Variants in MIA2 observed in about 807,000 individuals in gnomAD.
The protein encoded by MIA2 is MIA SH3 domain ER export factor 2, also known as melanoma inhibitory activity protein 2.
In MIA2, 127 loss-of-function variants were observed where a neutral mutation model predicts 167.8. The observed-to-expected ratio is 0.76, with a 90% CI of 0.66 to 0.88. The LOEUF is 0.88. MIA2 is among the 40% of genes least tolerant of loss of function. MIA2 has a pLI of 0.00. For synonymous variants in MIA2, 552 were observed against 541.9 expected (o/e 1.02, Z -0.26); for missense variants, 1,690 against 1,624.7 (o/e 1.04, Z -0.69).
chr14:39,297,829 C>CTAGT (rs1346224026), intron 13 of MIA2, among the ~76,000 whole-genome samples: 1 of 151,984 alleles, frequency 6.6e-6, no homozygotes, highest in African/African-American at 2.4e-5. Context: ...CTCCTTTTTT[C>CTAGT]CAGTCCTGCT....
chr14:39,304,786 C>T (rs918660291), intron 17 of MIA2, among the ~76,000 whole-genome samples: 13 of 152,042 alleles, frequency 8.6e-5, no homozygotes, highest in South Asian at 2.1e-4. Flanking sequence ...AATGTACATA[C>T]GTAGTATATT....
chr14:39,292,646 C>A, intron 10 of MIA2: 1 of 297,770 alleles, frequency 3.4e-6, no homozygotes, highest in South Asian at 2.8e-5. Context: ...GCATTAAAAT[C>A]TTTGAATCTT....
chr14:39,260,158 A>T (rs2055025182), intron 6 of MIA2, among the ~76,000 whole-genome samples: 1 of 152,216 alleles, frequency 6.6e-6, no homozygotes, highest in Admixed American at 6.5e-5. Flanking sequence ...ATAGTGCCGC[A>T]GTAAACATAC....
chr14:39,292,566 G>T, intron 10 of MIA2: 1 of 164,830 alleles, frequency 6.1e-6, no homozygotes, highest in South Asian at 1.4e-4. Context: ...CAAATTTGGG[G>T]TAATATGTAT....
intron 9 of MIA2, among the ~76,000 whole-genome samples, chr14:39,285,204 C>T (rs982487849): frequency 5.3e-5 from 8 of 152,156 alleles, no homozygotes; most frequent in Non-Finnish European, 1.0e-4. Context: ...CCCACCTTTC[C>T]CCCTTTTCTA....
rs3065036 is a variant in MIA2 at position 39,269,074 on chromosome 14, G to GTTTTTTTTTTTTTT, written c.1888-7848_1888-7835dup. The GTTTTTTTTTTTTTT allele has an allele frequency of 7.8e-4, 452 of 583,152 alleles. 41 individuals are homozygous for GTTTTTTTTTTTTTT. The highest frequency in any genetic ancestry group is 7.8e-4 in the Non-Finnish European group (386 of 497,110). The allele number at this position is 583,152 out of a possible 1,614,324, so 36.1% of individuals were successfully genotyped here. A position where few individuals can be genotyped will look rare whatever the true frequency, so the allele number is the denominator to read the frequency against. ...GGTGCGTTGTATCTTCACCTGCACA[G>GTTTTTTTTTTTTTT]TTTTTTTTTTTTTTTTTTTTTTTTT... On this transcript the variant is annotated intron_variant, in intron 6 of 28. Coordinates refer to ENST00000640607, the MANE Select transcript of MIA2 (RefSeq NM_001329214.4).
At chr14:39,251,498 ATATT>A (rs2054573619) in intron 4 of MIA2, among the ~76,000 whole-genome samples, 1 of 152,154 alleles carries the variant, frequency 6.6e-6, no homozygotes, top group African/African-American at 2.4e-5. Flanking sequence ...TTTTTCTTAT[ATATT>A]TATTTCAAAT....
intron 11 of MIA2, 133 bp from the exon 12 acceptor site, chr14:39,293,867 T>A: frequency 1.5e-6 from 1 of 686,844 alleles, no homozygotes; most frequent in Non-Finnish European, 2.5e-6. Context: ...TATGGCTAAA[T>A]AAACTGAGAA....
chr14:39,285,842 C>T (rs141080105), intron 9 of MIA2, among the ~76,000 whole-genome samples: 2,745 of 148,512 alleles, frequency 0.018, 82 homozygotes, highest in African/African-American at 0.064. Context: ...ACCTCCCAGA[C>T]GGGGTCGCGG....
intron 6 of MIA2, among the ~76,000 whole-genome samples, chr14:39,267,701 T>C (rs1416894384): frequency 6.6e-6 from 1 of 152,146 alleles, no homozygotes; most frequent in Non-Finnish European, 1.5e-5. Flanking sequence ...GTAGGGCGCT[T>C]GAGTGGTTTT....
chr14:39,267,501 G>T, intron 6 of MIA2: 2 of 1,613,648 alleles, frequency 1.2e-6, no homozygotes, highest in Non-Finnish European at 1.7e-6. Flanking sequence ...ATTTGGGGCT[G>T]CTCCTGGAGG....
At chr14:39,333,658 T>TA (rs1411109540) in intron 25 of MIA2, among the ~76,000 whole-genome samples, 2 of 152,204 alleles carry the variant, frequency 1.3e-5, no homozygotes, top group Non-Finnish European at 2.9e-5. Context: ...ACCCGGTTGT[T>TA]ACTCCTTTCT....
In MIA2 at chr14:39,293,374, A is replaced by G. The variant is rs1319129251; in HGVS notation, c.2312A>G (p.Asp771Gly). Residue 771 changes from aspartate to glycine, a missense_variant, in exon 11 of 29, where the codon GAT becomes GGT. Transcript: ENST00000640607. The stretch of plus-strand genomic sequence containing the variant: ...GAGAAATCCAAACATTCTGAACAAG[A>G]TGAATTGGTAAGGCTTTTTTATTTG... The part of the protein sequence containing the change: ...KEEKSKHSEQ[D>G]ELMADISKRI... 2.5e-6 allele frequency: 4 copies of G among 1,570,060 alleles called. No homozygotes were observed. Among genetic ancestry groups the G allele is most frequent in the African/African-American group, 1.4e-5 (1 of 73,476 alleles).
chr14:39,381,006 AT>A (rs2075147818), intron 23 of MIA2, among the ~76,000 whole-genome samples: 1 of 146,622 alleles, frequency 6.8e-6, no homozygotes, highest in African/African-American at 2.6e-5. Flanking sequence ...GGTAATAACT[AT>A]TTTAGTAAAA....
At chr14:39,359,562 C>T (rs1218455801) in intron 23 of MIA2, among the ~76,000 whole-genome samples, 1 of 152,174 alleles carries the variant, frequency 6.6e-6, no homozygotes, top group Non-Finnish European at 1.5e-5. Flanking sequence ...CAGTGTTCTG[C>T]ACCCACTGTC....
intron 23 of MIA2, chr14:39,386,842 T>A: frequency 1.1e-6 from 1 of 870,786 alleles, no homozygotes; most frequent in Non-Finnish European, 2.0e-6. Flanking sequence ...GCAACTCGTC[T>A]CTCTTCTACT....
chr14:39,282,714 C>T (rs763628446), intron 9 of MIA2, among the ~76,000 whole-genome samples: 2 of 152,190 alleles, frequency 1.3e-5, no homozygotes, highest in Admixed American at 6.5e-5. Context: ...ACTGCGGCTA[C>T]AGGCACATGA....
intron 6 of MIA2, among the ~76,000 whole-genome samples, chr14:39,262,272 T>A (rs1327504401): frequency 1.3e-5 from 2 of 152,292 alleles, no homozygotes; most frequent in Admixed American, 1.3e-4. Context: ...TTAAATAGGT[T>A]ATCCTTTCCC....
chr14:39,247,831 A>C lies in MIA2; in HGVS notation c.1257A>C (p.Leu419Phe), dbSNP rs1258458069. 1.3e-6 allele frequency: 2 copies of C among 1,594,218 alleles called. No individual in the cohort carries two copies. The highest frequency in any genetic ancestry group is 2.3e-5 in the South Asian group (2 of 86,098). The change falls in exon 4 of 29, where the codon TTA (leucine) becomes TTC (phenylalanine). Residue 419 changes from leucine to phenylalanine, a missense_variant. Physicochemically the swap from Leu to Phe is conservative, Grantham distance 22 (BLOSUM62 0). Transcript: ENST00000640607. ...DEHEHPLTSE[L>F]DPEKEQEIET... ...ATGAACATCCTCTAACAAGTGAATT[A>C]GACCCTGAAAAAGAACAAGAAATAG...
Sources: gnomAD v4.1 joint callset for allele counts (sites outside exome capture counted in the v4.1 genomes callset) on GRCh38, gnomAD v4.1.1 for gene constraint, MANE v1.5 for transcripts, NCBI Gene and HGNC (gene_info 2026-07-23, HGNC 2026-07-21) for gene names.